Variants in KCNH8 observed in about 807,000 individuals in gnomAD.
The protein encoded by KCNH8 is voltage-gated delayed rectifier potassium channel KCNH8.
In KCNH8, 70 loss-of-function variants were observed where a neutral mutation model predicts 103.6. The observed-to-expected ratio is 0.68, with a 90% CI of 0.56 to 0.82. KCNH8 has a LOEUF of 0.82. Among genes scored for constraint, KCNH8 ranks in the 40% least tolerant of loss-of-function variants. The pLI is 0.00. For synonymous variants in KCNH8, 498 were observed against 489.4 expected, an observed-to-expected ratio of 1.02 and a Z score of -0.23; for missense variants, 1,217 against 1,329.9, an observed-to-expected ratio of 0.92 and a Z score of 1.32.
chr3:19,277,572 G>A (rs1396279425), intron 2 of KCNH8, among the ~76,000 whole-genome samples: 1 of 151,980 alleles, frequency 6.6e-6, no homozygotes, highest in Non-Finnish European at 1.5e-5. Flanking sequence ...GGCACAGGTG[G>A]TAAACTATGT....
At chr3:19,202,760 C>T (rs2063676422) in intron 1 of KCNH8, among the ~76,000 whole-genome samples, 1 of 151,850 alleles carries the variant, frequency 6.6e-6, no homozygotes, top group Non-Finnish European at 1.5e-5. Context: ...TGGAATCAAC[C>T]CTTTTGGCTT....
At chr3:19,189,019 A>G (rs2063527586) in intron 1 of KCNH8, among the ~76,000 whole-genome samples, 1 of 151,984 alleles carries the variant, frequency 6.6e-6, no homozygotes, top group Non-Finnish European at 1.5e-5. Flanking sequence ...ACCCATATAT[A>G]TATTTGAGTT....
intron 1 of KCNH8, among the ~76,000 whole-genome samples, chr3:19,158,189 G>A (rs1044077992): frequency 6.6e-6 from 1 of 151,174 alleles, no homozygotes; most frequent in African/African-American, 2.4e-5. Context: ...TTAAGAATTG[G>A]ACAAATTTCC....
intron 2 of KCNH8, among the ~76,000 whole-genome samples, chr3:19,256,560 G>T (rs1044403550): frequency 4.6e-5 from 7 of 152,090 alleles, no homozygotes; most frequent in African/African-American, 1.7e-4. Flanking sequence ...TCCGCTGACT[G>T]CAGACTTGTC....
chr3:19,197,314 G>GT (rs1192304255), intron 1 of KCNH8, among the ~76,000 whole-genome samples: 2 of 151,866 alleles, frequency 1.3e-5, no homozygotes, highest in African/African-American at 4.8e-5. Flanking sequence ...CTCGGATTTA[G>GT]TTTTCTCTGT....
chr3:19,491,263 A>T (rs887319671), intron 11 of KCNH8, among the ~76,000 whole-genome samples: 1 of 152,266 alleles, frequency 6.6e-6, no homozygotes, highest in Admixed American at 6.5e-5. Flanking sequence ...GGTTTATTAC[A>T]TGGGGATATT....
intron 7 of KCNH8, among the ~76,000 whole-genome samples, chr3:19,433,011 T>TG (rs1483908618): frequency 6.6e-6 from 1 of 152,114 alleles, no homozygotes; most frequent in African/African-American, 2.4e-5. Context: ...TTGTTTTTTT[T>TG]GGGGGGTTTT....
chr3:19,471,966 T>A (rs1052748800), intron 11 of KCNH8, among the ~76,000 whole-genome samples: 1 of 152,218 alleles, frequency 6.6e-6, no homozygotes, highest in Non-Finnish European at 1.5e-5. Flanking sequence ...AGCTGTACAC[T>A]TTTGACTTAT....
chr3:19,528,930 T>C (rs541905467), intron 15 of KCNH8, among the ~76,000 whole-genome samples: 2 of 152,178 alleles, frequency 1.3e-5, no homozygotes, highest in South Asian at 4.1e-4. Context: ...AAAACTGCTA[T>C]GTGAGTGTCA....
intron 11 of KCNH8, among the ~76,000 whole-genome samples, chr3:19,466,953 G>A (rs1046691166): frequency 1.4e-4 from 21 of 151,908 alleles, no homozygotes; most frequent in African/African-American, 3.6e-4. Flanking sequence ...GAGCCACTGC[G>A]CCCGGCCAAT....
At chr3:19,249,649 T>C (rs999077379) in intron 1 of KCNH8, among the ~76,000 whole-genome samples, 2 of 152,100 alleles carry the variant, frequency 1.3e-5, no homozygotes, top group Admixed American at 6.6e-5. Flanking sequence ...GCTAAGGAAA[T>C]TAATAAATGA....
intron 11 of KCNH8, among the ~76,000 whole-genome samples, chr3:19,485,934 A>G (rs1171683069): frequency 6.6e-6 from 1 of 152,188 alleles, no homozygotes; most frequent in Non-Finnish European, 1.5e-5. Context: ...CATGCACTTG[A>G]GAATTAGAAA....
chr3:19,171,136 T>A (rs2063344960), intron 1 of KCNH8, among the ~76,000 whole-genome samples: 1 of 152,174 alleles, frequency 6.6e-6, no homozygotes, highest in South Asian at 2.1e-4. Flanking sequence ...ATAATATCCT[T>A]GGCCACATAG....
intron 11 of KCNH8, among the ~76,000 whole-genome samples, chr3:19,486,497 C>A (rs1002633774): frequency 7.2e-5 from 11 of 152,168 alleles, no homozygotes; most frequent in Non-Finnish European, 1.2e-4. Flanking sequence ...TGGTGGCCGG[C>A]CTTTGGAAAC....
intron 7 of KCNH8, among the ~76,000 whole-genome samples, chr3:19,437,961 T>C (rs572593254): frequency 1.3e-5 from 2 of 152,330 alleles, no homozygotes; most frequent in East Asian, 3.9e-4. Context: ...ATGCTGTGTG[T>C]ATTATAGAGA....
chr3:19,484,976 A>AG (rs958564601), intron 11 of KCNH8, among the ~76,000 whole-genome samples: 1 of 152,156 alleles, frequency 6.6e-6, no homozygotes, highest in South Asian at 2.1e-4. Context: ...ACAATACCAT[A>AG]GGAAGGGCCT....
At chr3:19,319,495 G>T (rs1272339763) in intron 3 of KCNH8, among the ~76,000 whole-genome samples, 2 of 151,938 alleles carry the variant, frequency 1.3e-5, no homozygotes, top group African/African-American at 4.8e-5. Context: ...GTTTATTTCT[G>T]GGTTCTCAAT....
At chr3:19,282,543 T>G (rs1000584795) in intron 3 of KCNH8, among the ~76,000 whole-genome samples, 5 of 152,296 alleles carry the variant, frequency 3.3e-5, no homozygotes, top group Non-Finnish European at 7.4e-5. Flanking sequence ...TATGTGTGGA[T>G]AAATAGAAAT....
chr3:19,192,773 C>A (rs1035564927), intron 1 of KCNH8, among the ~76,000 whole-genome samples: 1 of 149,698 alleles, frequency 6.7e-6, no homozygotes, highest in African/African-American at 2.5e-5. Flanking sequence ...TTTTAAACTT[C>A]CTATGGAGTT....
Sources: allele counts gnomAD v4.1 joint callset (sites outside exome capture counted in the v4.1 genomes callset), GRCh38; gene constraint gnomAD v4.1.1; transcripts MANE v1.5; gene names NCBI Gene and HGNC (gene_info 2026-07-23, HGNC 2026-07-21).